SPINK5: variants seen among roughly 807,000 people sequenced by gnomAD.
SPINK5 encodes serine protease inhibitor Kazal-type 5.
SPINK5 carries 125 observed loss-of-function variants against 151.8 expected under a neutral mutation model. That is an observed-to-expected ratio of 0.82 (90% CI 0.71 to 0.96). SPINK5 has a LOEUF of 0.96. SPINK5 is among the 40% of genes least tolerant of loss of function. SPINK5 has a pLI of 0.00. For synonymous variants in SPINK5, 374 were observed against 395.3 expected, an observed-to-expected ratio of 0.95 and a Z score of 0.64; for missense variants, 1,194 against 1,291.9, an observed-to-expected ratio of 0.92 and a Z score of 1.16.
intron 3 of SPINK5, among the ~76,000 whole-genome samples, chr5:148,071,631 AATT>A (rs1420458920): frequency 6.6e-6 from 1 of 151,816 alleles, no homozygotes; most frequent in African/African-American, 2.4e-5. Flanking sequence ...GAAGTTATTC[AATT>A]ATTATTTTTA....
intron 30 of SPINK5, among the ~76,000 whole-genome samples, chr5:148,127,368 T>C (rs1346186218): frequency 1.3e-5 from 2 of 152,170 alleles, no homozygotes; most frequent in African/African-American, 2.4e-5. Flanking sequence ...TATGGTAAAA[T>C]ACATAGTCAG....
chr5:148,082,499 A>AT (rs1175506717), intron 4 of SPINK5, among the ~76,000 whole-genome samples: 1 of 150,888 alleles, frequency 6.6e-6, no homozygotes, highest in African/African-American at 2.4e-5. Flanking sequence ...ATTTTATTAA[A>AT]TTTTGGTCAG....
chr5:148,072,905 T>C (rs1561673894), intron 4 of SPINK5, among the ~76,000 whole-genome samples: 2 of 150,904 alleles, frequency 1.3e-5, no homozygotes, highest in African/African-American at 4.9e-5. Context: ...AGAAGTAAGA[T>C]AGAAGGAAGG....
chr5:148,066,122 C>T (rs1205703301), intron 2 of SPINK5, among the ~76,000 whole-genome samples: 1 of 152,130 alleles, frequency 6.6e-6, no homozygotes, highest in Admixed American at 6.6e-5. Context: ...GAATGAACCA[C>T]GAAGGTATTT....
Position 148,086,405 on chromosome 5 carries a change from C to T in SPINK5, c.283C>T (p.Leu95=), listed in dbSNP as rs1231707335. 1.9e-6 allele frequency: 3 copies of T among 1,610,102 alleles called. No individual in the cohort carries two copies. The highest frequency in any genetic ancestry group is 3.3e-5 in the Admixed American group (2 of 59,798). ...CGTTCCTTGATCATGTCTTTTGCAG[C>T]TGAATTGTGATGATTTTAAAAAAGG... ...RAPKATAPTE[L]NCDDFKKGER... The change falls in exon 5 of 33, where the codon CTG becomes TTG. Residue 95 remains leucine, a splice_region_variant and synonymous_variant. Coordinates refer to ENST00000256084, the MANE Select transcript of SPINK5 (RefSeq NM_006846.4).
At chr5:148,069,933 A>G (rs1216793302) in intron 2 of SPINK5, among the ~76,000 whole-genome samples, 1 of 152,094 alleles carries the variant, frequency 6.6e-6, no homozygotes, top group Non-Finnish European at 1.5e-5. Flanking sequence ...GTAGGCAGAC[A>G]TTTTATAATG....
chr5:148,074,223 T>G (rs1427958162), intron 4 of SPINK5, among the ~76,000 whole-genome samples: 1 of 151,636 alleles, frequency 6.6e-6, no homozygotes, highest in East Asian at 1.9e-4. Flanking sequence ...ATCCTCTCAC[T>G]CTCTCTTTCA....
intron 12 of SPINK5, among the ~76,000 whole-genome samples, chr5:148,100,086 A>G (rs935307053): frequency 2.0e-5 from 3 of 151,792 alleles, no homozygotes; most frequent in African/African-American, 7.3e-5. Flanking sequence ...GTCAAATCCT[A>G]TTTACACTTC....
At chr5:148,104,930 T>C in intron 15 of SPINK5, 22 bp from the exon 16 acceptor site, 3 of 1,607,762 alleles carry the variant, frequency 1.9e-6, no homozygotes, top group Non-Finnish European at 2.5e-6. Flanking sequence ...TCTTCTCTCT[T>C]TTTCTTTTCG....
At chr5:148,122,930 T>C (rs1321267168) in intron 26 of SPINK5, among the ~76,000 whole-genome samples, 1 of 151,298 alleles carries the variant, frequency 6.6e-6, no homozygotes, top group East Asian at 1.9e-4. Context: ...TACGTGTTTT[T>C]ATGTTTTGCC....
At chr5:148,073,050 G>A (rs1327955286) in intron 4 of SPINK5, among the ~76,000 whole-genome samples, 1 of 151,724 alleles carries the variant, frequency 6.6e-6, no homozygotes, top group Non-Finnish European at 1.5e-5. Flanking sequence ...CCAGATTGGT[G>A]GAAATATATA....
intron 26 of SPINK5, among the ~76,000 whole-genome samples, chr5:148,121,008 G>A (rs6882216): frequency 0.54 from 81,926 of 151,086 alleles, 23,376 homozygotes; most frequent in Admixed American, 0.64. Flanking sequence ...AGCCGGGCAC[G>A]ATGGCGGGCG....
intron 15 of SPINK5, among the ~76,000 whole-genome samples, chr5:148,102,891 C>T (rs1753685495): frequency 6.6e-6 from 1 of 151,928 alleles, no homozygotes; most frequent in Admixed American, 6.6e-5. Context: ...GAGTTGGGAG[C>T]CTATTGATAG....
chr5:148,137,053 C>T lies in SPINK5; in HGVS notation c.*62C>T. 6.3e-7 allele frequency: 1 copy of T among 1,593,392 alleles called. No individual in the cohort carries two copies. On this transcript the variant is annotated 3_prime_UTR_variant, in exon 33 of 33. Coordinates refer to ENST00000256084, the MANE Select transcript of SPINK5 (RefSeq NM_006846.4). ...ACCCCAGTTCTGAATCACCTACCTT[C>T]ACCATCTGTATATACAAAGAATTCT...
At chr5:148,123,718 T>G in intron 26 of SPINK5, 115 bp from the exon 27 acceptor site, 1 of 1,452,560 alleles carries the variant, frequency 6.9e-7, no homozygotes, top group Admixed American at 1.9e-5. Context: ...TCTCTGAAAT[T>G]TCACTTCTCT....
chr5:148,120,252 GT>G, intron 25 of SPINK5, 42 bp from the exon 26 acceptor site: 1 of 1,605,748 alleles, frequency 6.2e-7, no homozygotes, highest in Middle Eastern at 1.7e-4. Context: ...TTAATGAGGC[GT>G]TTGTTCACTT....
chr5:148,114,578 T>A, intron 21 of SPINK5, 89 bp downstream of exon 21: 1 of 1,573,098 alleles, frequency 6.4e-7, no homozygotes, highest in East Asian at 2.3e-5. Flanking sequence ...GTTTGTCCTT[T>A]CCTTACATGT....
chr5:148,067,910 GGCCTGAT>G (rs1187180389), intron 2 of SPINK5, among the ~76,000 whole-genome samples: 2 of 152,004 alleles, frequency 1.3e-5, no homozygotes, highest in Admixed American at 6.6e-5. Flanking sequence ...CACTGCACCT[GGCCTGAT>G]GCTACTCTTT....
At position 148,092,975 on chromosome 5, in the gene SPINK5, G is replaced by T. The variant is rs145700925; in HGVS notation, c.667-1379G>T. Among the ~76,000 whole-genome samples, 647 of 152,030 alleles carry T rather than the reference G, an allele frequency of 4.3e-3. 5 individuals carry two copies. The highest frequency in any genetic ancestry group is 7.5e-3 in the South Asian group (36 of 4,824). On this transcript the variant is annotated intron_variant, in intron 8 of 32. Transcript: ENST00000256084. The stretch of plus-strand genomic sequence containing the variant: ...ACCTCATTGTAGAAGTAGTAACTGT[G>T]GTTCCAAAGGAGAAGGGACTTTGCT...
Sources: gnomAD v4.1 joint callset for allele counts (sites outside exome capture counted in the v4.1 genomes callset) on GRCh38, gnomAD v4.1.1 for gene constraint, MANE v1.5 for transcripts, NCBI Gene and HGNC (gene_info 2026-07-23, HGNC 2026-07-21) for gene names.